TTLL11: variants seen among roughly 807,000 people sequenced by gnomAD.
TTLL11 encodes tubulin polyglutamylase TTLL11.
In TTLL11, 42 loss-of-function variants were observed where a neutral mutation model predicts 51.7. The observed-to-expected ratio is 0.81, with a 90% confidence interval of 0.64 to 1.05. The LOEUF (loss-of-function observed/expected upper bound fraction) is 1.05. Among genes scored for constraint, TTLL11 ranks in the 50% least tolerant of loss-of-function variants. The pLI, the probability that TTLL11 is intolerant of heterozygous loss-of-function variation, is 0.00. For synonymous variants in TTLL11, 381 were observed against 383.5 expected, an observed-to-expected ratio of 0.99 and a Z score of 0.08; for missense variants, 799 against 940.4, an observed-to-expected ratio of 0.85 and a Z score of 1.97.
intron 6 of TTLL11, among the ~76,000 whole-genome samples, chr9:121,920,674 T>A (rs1351172921): frequency 2.0e-5 from 3 of 152,206 alleles, no homozygotes; most frequent in Non-Finnish European, 4.4e-5. Flanking sequence ...CAAGGTAGGA[T>A]CTGTGGGCAA....
intron 6 of TTLL11, chr9:121,885,493 C>T (rs1446058314): frequency 6.6e-6 from 1 of 152,240 alleles, no homozygotes; most frequent in Non-Finnish European, 1.5e-5. Context: ...CTAAGCACAT[C>T]CTCTTATTTG....
intron 1 of TTLL11, among the ~76,000 whole-genome samples, chr9:122,068,282 C>A (rs974877974): frequency 6.6e-6 from 1 of 151,990 alleles, no homozygotes; most frequent in Admixed American, 6.6e-5. Context: ...ACAATATATA[C>A]CTAGATATGT....
intron 6 of TTLL11, among the ~76,000 whole-genome samples, chr9:121,929,183 T>G (rs963807729): frequency 6.6e-6 from 1 of 152,150 alleles, no homozygotes; most frequent in African/African-American, 2.4e-5. Flanking sequence ...GGCTTATGCC[T>G]GTAATCCCAG....
At chr9:121,891,957 GAGAT>G (rs1205786345) in intron 6 of TTLL11, among the ~76,000 whole-genome samples, 21 of 145,456 alleles carry the variant, frequency 1.4e-4, no homozygotes, top group Non-Finnish European at 2.5e-4. Context: ...ACATATATAT[GAGAT>G]ATATATATCT....
intron 1 of TTLL11, among the ~76,000 whole-genome samples, chr9:122,091,685 G>A (rs967745440): frequency 3.3e-5 from 5 of 152,132 alleles, no homozygotes; most frequent in Non-Finnish European, 7.3e-5. Flanking sequence ...TCTGTTACCC[G>A]CAGCAGATCC....
intron 7 of TTLL11, 67 bp downstream of exon 7, chr9:121,870,430 C>T: frequency 6.7e-7 from 1 of 1,500,688 alleles, no homozygotes; most frequent in Non-Finnish European, 8.9e-7. Context: ...GGAGACCCGC[C>T]AGCCAGATGT....
intron 1 of TTLL11, among the ~76,000 whole-genome samples, chr9:122,057,484 C>G (rs888554734): frequency 6.6e-6 from 1 of 152,082 alleles, no homozygotes; most frequent in African/African-American, 2.4e-5. Context: ...CACCACTACA[C>G]CTGGCTAATT....
chr9:122,021,815 A>C (rs1844189517), intron 3 of TTLL11, among the ~76,000 whole-genome samples: 5 of 152,248 alleles, frequency 3.3e-5, no homozygotes. Context: ...ACATGAAAAA[A>C]ACATCGTGAT....
intron 3 of TTLL11, among the ~76,000 whole-genome samples, chr9:122,030,776 CAAAAAA>C (rs35456581): frequency 2.9e-5 from 2 of 69,334 alleles, no homozygotes; most frequent in African/African-American, 5.1e-5. Flanking sequence ...ACAAAAAATA[CAAAAAA>C]AAAAAAAAAA....
intron 4 of TTLL11, among the ~76,000 whole-genome samples, chr9:121,976,203 G>A (rs912825773): frequency 1.1e-4 from 17 of 152,310 alleles, no homozygotes; most frequent in East Asian, 3.9e-4. Context: ...CTCCAACACC[G>A]TCTGCTTCAC....
chr9:121,981,993 G>A (rs1288365493), intron 4 of TTLL11, among the ~76,000 whole-genome samples: 1 of 152,152 alleles, frequency 6.6e-6, no homozygotes, highest in Non-Finnish European at 1.5e-5. Context: ...ACTCAGCAGA[G>A]ACCCACTGAG....
intron 2 of TTLL11, among the ~76,000 whole-genome samples, chr9:122,037,706 G>A (rs1038812302): frequency 6.6e-6 from 1 of 152,164 alleles, no homozygotes. Flanking sequence ...TTGCACCTGA[G>A]CTTTCACTTG....
At chr9:122,005,738 G>GA (rs1364938021) in intron 3 of TTLL11, among the ~76,000 whole-genome samples, 1 of 152,196 alleles carries the variant, frequency 6.6e-6, no homozygotes, top group African/African-American at 2.4e-5. Context: ...GAAGAGAGAT[G>GA]AAAATCCTTC....
intron 1 of TTLL11, among the ~76,000 whole-genome samples, chr9:122,092,293 C>T (rs1846280018): frequency 6.6e-6 from 1 of 152,170 alleles, no homozygotes; most frequent in Non-Finnish European, 1.5e-5. Flanking sequence ...CCAAGAGTCA[C>T]ACAGCAAGTG....
intron 6 of TTLL11, among the ~76,000 whole-genome samples, chr9:121,909,937 T>C (rs1840057925): frequency 6.6e-6 from 1 of 152,046 alleles, no homozygotes; most frequent in Non-Finnish European, 1.5e-5. Context: ...GAAGGGAGTG[T>C]GGAAGGAAAG....
At chr9:121,959,028 T>C (rs17176965) in intron 6 of TTLL11, among the ~76,000 whole-genome samples, 37,030 of 151,834 alleles carry the variant, frequency 0.24, 4,843 homozygotes, top group Middle Eastern at 0.3. Context: ...CTTGCACAAC[T>C]CCAAAAGCCT....
intron 1 of TTLL11, among the ~76,000 whole-genome samples, chr9:122,074,720 T>C (rs941732878): frequency 7.2e-6 from 1 of 139,478 alleles, no homozygotes; most frequent in African/African-American, 2.8e-5. Flanking sequence ...GGCAATACAA[T>C]AAGACTTTCG....
At chr9:121,940,463 G>T (rs993558092) in intron 6 of TTLL11, among the ~76,000 whole-genome samples, 1 of 151,778 alleles carries the variant, frequency 6.6e-6, no homozygotes, top group Non-Finnish European at 1.5e-5. Flanking sequence ...TCAGCCTCCC[G>T]AGTAGTTGGA....
intron 6 of TTLL11, among the ~76,000 whole-genome samples, chr9:121,957,873 AGTG>A (rs1842070338): frequency 1.3e-5 from 2 of 152,196 alleles, no homozygotes; most frequent in African/African-American, 4.8e-5. Context: ...AACTCCTTAC[AGTG>A]GTAGATGGAG....
Sources: allele counts gnomAD v4.1 joint callset (sites outside exome capture counted in the v4.1 genomes callset), GRCh38; gene constraint gnomAD v4.1.1; transcripts MANE v1.5; gene names NCBI Gene and HGNC (gene_info 2026-07-23, HGNC 2026-07-21).